The following FILIP1L variants were observed in gnomAD, a reference collection of about 807,000 sequenced individuals.
The protein encoded by FILIP1L is filamin A interacting protein 1 like, also known as filamin A-interacting protein 1-like.
A neutral mutation model predicts 96.6 loss-of-function variants in FILIP1L; 55 were observed. The ratio of observed to expected loss-of-function variants is 0.57; its 90% CI spans 0.46 to 0.71. FILIP1L has a LOEUF of 0.71. FILIP1L is among the 30% of genes least tolerant of loss of function. The pLI is 0.00. For missense variants in FILIP1L, 1,304 were observed against 1,321.2 expected, an observed-to-expected ratio of 0.99 and a Z score of 0.20; for synonymous variants, 467 against 473.9, an observed-to-expected ratio of 0.99 and a Z score of 0.19.
chr3:99,947,386 A>T (rs984000171), intron 1 of FILIP1L, among the ~76,000 whole-genome samples: 3 of 152,164 alleles, frequency 2.0e-5, no homozygotes. Context: ...ATTTCATTGT[A>T]TGGAGGTGCC....
chr3:99,984,052 A>ATGTGTGTGTGTGTGTG (rs34256109), intron 1 of FILIP1L, among the ~76,000 whole-genome samples: 1,525 of 151,272 alleles, frequency 0.01, 30 homozygotes, highest in African/African-American at 0.034. Flanking sequence ...ATGTATATGT[A>ATGTGTGTGTGTGTGTG]TGTGTGTTTG....
chr3:100,014,898 T>TTTTTC (rs1710290870), intron 1 of FILIP1L, among the ~76,000 whole-genome samples: 2 of 110,398 alleles, frequency 1.8e-5, no homozygotes, highest in Non-Finnish European at 3.9e-5. Context: ...TTTCTTTCTT[T>TTTTTC]TTTTTTTTTT....
At chr3:100,001,996 T>C (rs1243456973) in intron 1 of FILIP1L, among the ~76,000 whole-genome samples, 3 of 152,148 alleles carry the variant, frequency 2.0e-5, no homozygotes, top group Non-Finnish European at 4.4e-5. Context: ...TTCTGAAGCT[T>C]TGTTGGAAAT....
chr3:99,870,819 C>A (rs1944751683), intron 4 of FILIP1L, among the ~76,000 whole-genome samples: 1 of 152,212 alleles, frequency 6.6e-6, no homozygotes, highest in African/African-American at 2.4e-5. Context: ...AGGCAGTCTG[C>A]TGCATGGCAA....
At chr3:100,082,145 A>AAAAT (rs1254687214) in intron 1 of FILIP1L, among the ~76,000 whole-genome samples, 68 of 152,378 alleles carry the variant, frequency 4.5e-4, no homozygotes, top group African/African-American at 1.5e-3. Context: ...AAATACAAAC[A>AAAAT]ACTCTTTATT....
At chr3:99,883,812 T>G (rs1705808402) in intron 4 of FILIP1L, among the ~76,000 whole-genome samples, 1 of 152,200 alleles carries the variant, frequency 6.6e-6, no homozygotes, top group African/African-American at 2.4e-5. Context: ...TTAATCCACA[T>G]AATAACCCTA....
At chr3:99,997,738 T>C (rs1011297270) in intron 1 of FILIP1L, among the ~76,000 whole-genome samples, 1 of 152,164 alleles carries the variant, frequency 6.6e-6, no homozygotes, top group African/African-American at 2.4e-5. Context: ...CACAGAGCTA[T>C]GAAAATAAAG....
At chr3:99,988,360 A>AAAAAAAAG (rs1709412106) in intron 1 of FILIP1L, among the ~76,000 whole-genome samples, 1 of 149,960 alleles carries the variant, frequency 6.7e-6, no homozygotes, top group African/African-American at 2.5e-5. Flanking sequence ...AAAAAAAAAA[A>AAAAAAAAG]AAATTAGCCA....
At chr3:99,884,185 A>T (rs1378691959) in intron 4 of FILIP1L, among the ~76,000 whole-genome samples, 1 of 152,132 alleles carries the variant, frequency 6.6e-6, no homozygotes, top group Non-Finnish European at 1.5e-5. Context: ...GCCAGAATGG[A>T]GTGCTTTTTT....
At chr3:99,971,394 G>T (rs927300800) in intron 1 of FILIP1L, among the ~76,000 whole-genome samples, 2 of 151,706 alleles carry the variant, frequency 1.3e-5, no homozygotes, top group African/African-American at 4.8e-5. Flanking sequence ...CACCACACAA[G>T]GAAAGAAGTC....
intron 3 of FILIP1L, among the ~76,000 whole-genome samples, chr3:99,928,997 T>TAGAA (rs1707385266): frequency 6.6e-6 from 1 of 152,188 alleles, no homozygotes; most frequent in South Asian, 2.1e-4. Context: ...GCAAGGACAT[T>TAGAA]AGAGGTCAGT....
At chr3:100,089,632 T>C (rs897004385) in intron 1 of FILIP1L, among the ~76,000 whole-genome samples, 4 of 152,228 alleles carry the variant, frequency 2.6e-5, no homozygotes, top group African/African-American at 9.6e-5. Context: ...TATATGATAT[T>C]TGATAACTGA....
At chr3:100,059,599 C>T (rs1422212500) in intron 1 of FILIP1L, among the ~76,000 whole-genome samples, 1 of 152,130 alleles carries the variant, frequency 6.6e-6, no homozygotes, top group East Asian at 1.9e-4. Context: ...CGTTAGGAGC[C>T]AGGAAGGTTT....
At chr3:100,063,035 A>C (rs2065601361) in intron 1 of FILIP1L, among the ~76,000 whole-genome samples, 1 of 152,256 alleles carries the variant, frequency 6.6e-6, no homozygotes, top group South Asian at 2.1e-4. Context: ...GGCATCCTCA[A>C]GATGGCATTT....
rs13082186 is a variant in FILIP1L, at chr3:99,908,582, C to T, written c.605+15648G>A. On this transcript the variant is annotated intron_variant, in intron 4 of 5. Transcript: ENST00000477258. ...ATATGAGAGTCCTTGAGGCCTAATT[C>T]TCCTCTCCAGTTACTAGCAGTGTGA... 2.2e-3 allele frequency among the ~76,000 whole-genome samples: 337 copies of T among 152,266 alleles called. 1 individual carries two copies. Among genetic ancestry groups the T allele is most frequent in the Non-Finnish European group, 3.9e-3 (263 of 68,022 alleles).
chr3:99,963,277 C>T (rs1708547484), intron 1 of FILIP1L, among the ~76,000 whole-genome samples: 1 of 152,216 alleles, frequency 6.6e-6, no homozygotes, highest in African/African-American at 2.4e-5. Context: ...CTAGTGTTGA[C>T]TGATCCCATG....
intron 4 of FILIP1L, among the ~76,000 whole-genome samples, chr3:99,912,356 G>T (rs1182604213): frequency 6.6e-6 from 1 of 152,086 alleles, no homozygotes; most frequent in African/African-American, 2.4e-5. Context: ...ACTGCTTAAT[G>T]GGCACAGGGC....
At chr3:99,852,418 A>G (rs1943741391) in intron 4 of FILIP1L, among the ~76,000 whole-genome samples, 1 of 152,082 alleles carries the variant, frequency 6.6e-6, no homozygotes, top group South Asian at 2.1e-4. Context: ...AAAGTTGTGT[A>G]AGGATTTGAG....
Position 99,905,227 on chromosome 3 carries a change from A to G in FILIP1L, c.605+19003T>C, listed in dbSNP as rs562565371. 1.1e-4 allele frequency among the ~76,000 whole-genome samples: 16 copies of G among 152,268 alleles called. No individual in the cohort carries two copies. In the South Asian group the frequency reaches 2.7e-3, roughly 26 times the overall value. ...TATTTCTCCCCTGGGACTATCATCT[A>G]CTACTGTTTCAACTTCCCTTCTGTG... On this transcript the variant is annotated intron_variant, in intron 4 of 5. Transcript: ENST00000477258.
Sources: allele counts gnomAD v4.1 joint callset (sites outside exome capture counted in the v4.1 genomes callset), GRCh38; gene constraint gnomAD v4.1.1; transcripts MANE v1.5; gene names NCBI Gene and HGNC (gene_info 2026-07-23, HGNC 2026-07-21).